CCDC185: variants seen among roughly 807,000 people sequenced by gnomAD.
The protein encoded by CCDC185 is coiled-coil domain-containing protein 185.
For missense variants in CCDC185, 982 were observed against 825.3 expected (o/e 1.19, Z -2.33); for synonymous variants, 381 against 348.1 (o/e 1.09, Z -1.05).
chr1:223,394,946 C>A lies in CCDC185; in HGVS notation c.1471C>A (p.Arg491Ser), dbSNP rs1021776397. ...AGAGCAGTTGCAGCAGGCCAGGTGG[C>A]GCGCAGGGGAGTCAGAGGAACAGAG... ...EEEQLQQARW[R>S]AGESEEQRKM... The change falls in exon 1 of 1, where the codon CGC (arginine) becomes AGC (serine). Residue 491 changes from arginine (R) to serine (S), a missense_variant. Arg to Ser is a moderately radical substitution (Grantham distance 110). Transcript: ENST00000366875. 1.9e-6 allele frequency: 3 copies of A among 1,614,088 alleles called. No individual in the cohort carries two copies. Among genetic ancestry groups the A allele is most frequent in the South Asian group, 2.2e-5 (2 of 91,078 alleles).
At position 223,393,856 on chromosome 1, in the gene CCDC185, G is replaced by C. The variant is rs1669606902; in HGVS notation, c.381G>C (p.Leu127=). Residue 127 remains leucine, a synonymous_variant, in exon 1 of 1, where the codon CTG becomes CTC. Transcript: ENST00000366875. This position sits in a 1 kb window ranked among gnomAD's most constrained non-coding sequence, Gnocchi z 4.8. ...CGGCTTGGCAGCCGCAGACCCAGCT[G>C]CCACCCCAGCGGCCGCAGCCCTGCC... ...PRPAWQPQTQ[L]PPQRPQPCPH... is the part of the protein sequence containing the mutation. 15 of 1,603,456 alleles carry C rather than the reference G, an allele frequency of 9.4e-6. No homozygotes were observed. Among genetic ancestry groups the C allele is most frequent in the Non-Finnish European group, 1.3e-5 (15 of 1,175,864 alleles).
In CCDC185 at chr1:223,394,354, G is replaced by A. The variant is rs1334513396; in HGVS notation, c.879G>A (p.Lys293=). ...AGGAGCTGAAGCGCTCGGATCAGAA[G>A]GTCCAGATGACCCTGGAGCGGGAGC... ...AWEELKRSDQ[K]VQMTLERERR... Residue 293 remains lysine (K), a synonymous_variant, in exon 1 of 1, where the codon AAG becomes AAA. Transcript: ENST00000366875. The A allele has an allele frequency of 1.9e-6, 3 of 1,589,502 alleles. No individual in the cohort carries two copies. Among genetic ancestry groups the A allele is most frequent in the East Asian group, 2.3e-5 (1 of 43,636 alleles).
Position 223,395,372 on chromosome 1 carries a change from T to G in CCDC185, c.*25T>G. ...AGAACCAAGGACGCCTGGCTTACAG[T>G]GCGCAGCCAGAAGGAGATGTGGCAA... On this transcript the variant is annotated 3_prime_UTR_variant, in exon 1 of 1. Coordinates refer to ENST00000366875, the MANE Select transcript of CCDC185 (RefSeq NM_152610.3). The G allele has an allele frequency of 6.7e-7, 1 of 1,491,964 alleles. No homozygotes were observed. Among genetic ancestry groups the G allele is most frequent in the Non-Finnish European group, 8.9e-7 (1 of 1,122,052 alleles). The allele number at this position is 1,491,964 out of a possible 1,614,324, so 92.4% of individuals were successfully genotyped here.
chr1:223,394,392 T>A lies in CCDC185; in HGVS notation c.917T>A (p.Leu306Gln), dbSNP rs1425512904. ...MTLERERRLL[L>Q]RQSQEQWQEK... The stretch of plus-strand genomic sequence containing the variant: ...CTGGAGCGGGAGCGCCGGCTGCTGC[T>A]GCGGCAGAGCCAGGAGCAGTGGCAG... The change falls in exon 1 of 1, where the codon CTG (leucine) becomes CAG (glutamine). Residue 306 changes from leucine (L) to glutamine (Q), a missense_variant. Leu to Gln is a moderately radical substitution (Grantham distance 113). Coordinates refer to ENST00000366875, the MANE Select transcript of CCDC185 (RefSeq NM_152610.3). The A allele has an allele frequency of 6.4e-7, 1 of 1,570,436 alleles. No individual in the cohort carries two copies. Among genetic ancestry groups the A allele is most frequent in the Non-Finnish European group, 8.6e-7 (1 of 1,158,214 alleles).
chr1:223,394,975 G>A lies in CCDC185; in HGVS notation c.1500G>A (p.Lys500=). The change falls in exon 1 of 1, where the codon AAG becomes AAA. Residue 500 remains lysine (K), a synonymous_variant. Transcript: ENST00000366875. ...WRAGESEEQR[K]MRKRILVELA... ...CAGGGGAGTCAGAGGAACAGAGGAA[G>A]ATGCGCAAAAGAATTCTGGTGGAGC... The A allele has an allele frequency of 1.5e-5, 24 of 1,614,150 alleles. No individual in the cohort carries two copies. The highest frequency in any genetic ancestry group is 1.9e-5 in the Non-Finnish European group (23 of 1,180,034).
rs746882847 is a variant in CCDC185, at chr1:223,393,685, T to A, written c.210T>A (p.Pro70=). ...LHPHCSFTPR[P]RRRGCSDSLR... is the part of the protein sequence containing the mutation. Reference sequence around the variant, plus strand: ...CGCACTGTTCGTTCACCCCGCGGCCTCGCAGGCGCGGGTGCTCAGATTCAC... The same window carrying A: ...CGCACTGTTCGTTCACCCCGCGGCCACGCAGGCGCGGGTGCTCAGATTCAC... The change falls in exon 1 of 1, where the codon CCT becomes CCA. Residue 70 remains proline, a synonymous_variant. Transcript: ENST00000366875. The surrounding 1 kb of genome is among the most constrained non-coding windows in gnomAD (Gnocchi z 4.8). 2 of 1,572,846 alleles carry A rather than the reference T, an allele frequency of 1.3e-6. No homozygotes were observed. Among genetic ancestry groups the A allele is most frequent in the Non-Finnish European group, 1.7e-6 (2 of 1,164,236 alleles).
At position 223,393,929 on chromosome 1, in the gene CCDC185, G is replaced by A. The variant is rs778881117; in HGVS notation, c.454G>A (p.Gly152Arg). 5.0e-6 allele frequency: 8 copies of A among 1,613,110 alleles called. No homozygotes were observed. The Admixed American group carries it at 1.3e-4, about 27-fold the overall frequency. Reference protein sequence around the residue: ...QGDSPPPCPGGAGTPLSGTFR... With the variant: ...QGDSPPPCPGRAGTPLSGTFR... ...AGACTCGCCCCCGCCTTGCCCCGGAGGAGCTGGCACTCCCCTGAGTGGCAC... is the reference window on the plus strand; with the variant it reads ...AGACTCGCCCCCGCCTTGCCCCGGAAGAGCTGGCACTCCCCTGAGTGGCAC... The change falls in exon 1 of 1, where the codon GGA becomes AGA. Residue 152 changes from glycine to arginine, a missense_variant. By Grantham distance (125) the Gly-to-Arg change is moderately radical. Transcript: ENST00000366875. This position sits in a 1 kb window ranked among gnomAD's most constrained non-coding sequence, Gnocchi z 4.8.
chr1:223,395,040 A>T lies in CCDC185; in HGVS notation c.1565A>T (p.His522Leu). The T allele has an allele frequency of 6.2e-7, 1 of 1,614,090 alleles. No homozygotes were observed. The highest frequency in any genetic ancestry group is 8.5e-7 in the Non-Finnish European group (1 of 1,180,002). ...ATCCGACAGGCCAGGAGTCACGTGC[A>T]CAAGACCACTAGGGACAAGGTGCAG... ...EKIRQARSHV[H>L]KTTRDKVQHL... The change falls in exon 1 of 1, where the codon CAC becomes CTC. Residue 522 changes from histidine (H) to leucine (L), a missense_variant. His to Leu is a moderately conservative substitution (Grantham distance 99, BLOSUM62 -3). Transcript: ENST00000366875.
At position 223,395,440 on chromosome 1, in the gene CCDC185, T is replaced by C; in HGVS notation, c.*93T>C. 7.9e-7 allele frequency: 1 copy of C among 1,264,072 alleles called. No homozygotes were observed. 78.3% of individuals were successfully genotyped at this position (1,264,072 alleles called of 1,614,324 possible). ...TCTGATTATAATTGAACATTGATTT[T>C]AAAAAAGCATGTAAAATAGCTGCAA... On this transcript the variant is annotated 3_prime_UTR_variant, in exon 1 of 1. Transcript: ENST00000366875.
chr1:223,394,304 C>T, the CCDC185 span: 28 of 1,611,914 alleles, frequency 1.7e-5, no homozygotes, highest in Non-Finnish European at 2.4e-5. Context: ...ACGGGAGCTG[C>T]AGCAGCAGGC....
At position 223,393,788 on chromosome 1, in the gene CCDC185, C is replaced by T. The variant is rs1356167432; in HGVS notation, c.313C>T (p.Arg105Cys). ...CAGGAAGCACCGGCCCCGCAGCAGG[C>T]GCCTGGAAGATGCCTGGGGAGAGAC... ...RSRKHRPRSRRLEDAWGETGT... is the reference protein window; with the variant it reads ...RSRKHRPRSRCLEDAWGETGT... Residue 105 changes from arginine to cysteine, a missense_variant, in exon 1 of 1, where the codon CGC (arginine) becomes TGC (cysteine). Transcript: ENST00000366875. The surrounding 1 kb of genome is among the most constrained non-coding windows in gnomAD (Gnocchi z 4.8). The T allele has an allele frequency of 3.2e-6, 5 of 1,573,170 alleles. No homozygotes were observed. Among genetic ancestry groups the T allele is most frequent in the Non-Finnish European group, 3.4e-6 (4 of 1,161,174 alleles).
Position 223,393,652 on chromosome 1 carries a change from G to T in CCDC185, c.177G>T (p.Trp59Cys), listed in dbSNP as rs752465336. 6.5e-7 allele frequency: 1 copy of T among 1,541,686 alleles called. No homozygotes were observed. The highest frequency in any genetic ancestry group is 8.7e-7 in the Non-Finnish European group (1 of 1,147,524). The change falls in exon 1 of 1, where the codon TGG becomes TGT. Residue 59 changes from tryptophan to cysteine, a missense_variant. Coordinates refer to ENST00000366875, the MANE Select transcript of CCDC185 (RefSeq NM_152610.3). This position sits in a 1 kb window ranked among gnomAD's most constrained non-coding sequence, Gnocchi z 4.8. ...CGGAGAGCGAAGCTGGGGCGTGCTG[G>T]CTGCACCCGCACTGTTCGTTCACCC... ...PGAESEAGACWLHPHCSFTPR... is the reference protein window; with the variant it reads ...PGAESEAGACCLHPHCSFTPR...
chr1:223,393,469 G>A lies in CCDC185; in HGVS notation c.-7G>A. The A allele has an allele frequency of 6.8e-7, 1 of 1,461,330 alleles. No homozygotes were observed. The highest frequency in any genetic ancestry group is 2.7e-5 in the East Asian group (1 of 37,284). The allele number at this position is 1,461,330 out of a possible 1,614,324, so 90.5% of individuals were successfully genotyped here. A position where few individuals can be genotyped will look rare whatever the true frequency, so the allele number is the denominator to read the frequency against. On this transcript the variant is annotated 5_prime_UTR_variant, in exon 1 of 1. Transcript: ENST00000366875. This position sits in a 1 kb window ranked among gnomAD's most constrained non-coding sequence, Gnocchi z 4.8. ...TGGGCAGACGCTGCGCGTGCCCAGA[G>A]GGAGGGATGGCAGGCTTCAGCCACT...
At position 223,394,907 on chromosome 1, in the gene CCDC185, G is replaced by T. The variant is rs144726511; in HGVS notation, c.1432G>T (p.Ala478Ser). 8 of 1,614,084 alleles carry T rather than the reference G, an allele frequency of 5.0e-6. No individual in the cohort carries two copies. The African/African-American group carries it at 1.1e-4, about 22-fold the overall frequency. Residue 478 changes from alanine to serine, a missense_variant, in exon 1 of 1, where the codon GCC (alanine) becomes TCC (serine). Coordinates refer to ENST00000366875, the MANE Select transcript of CCDC185 (RefSeq NM_152610.3). ...GCGGCAACGCGAGCTGAGGGAGAAG[G>T]CCCAGAAGGAGGAAGAGCAGTTGCA... ...KERQRELREKAQKEEEQLQQA... is the reference protein window; with the variant it reads ...KERQRELREKSQKEEEQLQQA...
At position 223,393,701 on chromosome 1, in the gene CCDC185, T is replaced by C. The variant is rs763628133; in HGVS notation, c.226T>C (p.Ser76Pro). The C allele has an allele frequency of 5.7e-6, 9 of 1,574,308 alleles. No homozygotes were observed. Among genetic ancestry groups the C allele is most frequent in the Non-Finnish European group, 7.7e-6 (9 of 1,163,896 alleles). The change falls in exon 1 of 1, where the codon TCA becomes CCA. Residue 76 changes from serine (S) to proline (P), a missense_variant. By Grantham distance (74) the Ser-to-Pro change is moderately conservative. Transcript: ENST00000366875. The surrounding 1 kb of genome is among the most constrained non-coding windows in gnomAD (Gnocchi z 4.8). ...CCCGCGGCCTCGCAGGCGCGGGTGC[T>C]CAGATTCACTGCGGGGCAGCCGAAG... ...FTPRPRRRGC[S>P]DSLRGSRSLS...
In CCDC185 at chr1:223,393,607, C is replaced by A; in HGVS notation, c.132C>A (p.Ser44=). ...CCGGAGCCGACTCCACCGCGTGCTC[C>A]CGGGCCGGGACTCCGGGTGCGGAGA... ...QRSGADSTAC[S]RAGTPGAESE... Residue 44 remains serine (S), a synonymous_variant, in exon 1 of 1, where the codon TCC becomes TCA. Transcript: ENST00000366875. The surrounding 1 kb of genome is among the most constrained non-coding windows in gnomAD (Gnocchi z 4.8). 6.6e-7 allele frequency: 1 copy of A among 1,526,098 alleles called. No homozygotes were observed. The highest frequency in any genetic ancestry group is 1.3e-5 in the South Asian group (1 of 78,752). The allele number at this position is 1,526,098 out of a possible 1,614,324, so 94.5% of individuals were successfully genotyped here. A position where few individuals can be genotyped will look rare whatever the true frequency, so the allele number is the denominator to read the frequency against.
rs1418866381 is a variant in CCDC185 at position 223,395,278 on chromosome 1, C to T, written c.1803C>T (p.Pro601=). 6.4e-7 allele frequency: 1 copy of T among 1,568,648 alleles called. No individual in the cohort carries two copies. Among genetic ancestry groups the T allele is most frequent in the Non-Finnish European group, 8.6e-7 (1 of 1,162,026 alleles). The change falls in exon 1 of 1, where the codon CCC becomes CCT. Residue 601 remains proline, a synonymous_variant. Coordinates refer to ENST00000366875, the MANE Select transcript of CCDC185 (RefSeq NM_152610.3). ...CCAGGAGAGAGGAGAGAGCGCCTCC[C>T]AACAGCTCCCTTGATCAGATGGTAC... The part of the protein sequence containing the change: ...QASRREERAP[P]NSSLDQMVLE...
rs1669605870 is a variant in CCDC185 at position 223,393,800 on chromosome 1, G to C, written c.325G>C (p.Ala109Pro). The change falls in exon 1 of 1, where the codon GCC (alanine) becomes CCC (proline). Residue 109 changes from alanine (A) to proline (P), a missense_variant. By Grantham distance (27) the Ala-to-Pro change is conservative (BLOSUM62 -1). Coordinates refer to ENST00000366875, the MANE Select transcript of CCDC185 (RefSeq NM_152610.3). This position sits in a 1 kb window ranked among gnomAD's most constrained non-coding sequence, Gnocchi z 4.8. ...GCCCCGCAGCAGGCGCCTGGAAGAT[G>C]CCTGGGGAGAGACAGGAACCAAGCC... ...HRPRSRRLED[A>P]WGETGTKPRP... is the part of the protein sequence containing the mutation. 1 of 1,581,616 alleles carries C rather than the reference G, an allele frequency of 6.3e-7. No individual in the cohort carries two copies. The highest frequency in any genetic ancestry group is 1.3e-5 in the African/African-American group (1 of 74,296).
rs1290952214 is a variant in CCDC185 at position 223,394,315 on chromosome 1, G to A, written c.840G>A (p.Ala280=). The part of the protein sequence containing the change: ...AQRIRELQQQ[A]AKAWEELKRS... ...GGATACGGGAGCTGCAGCAGCAGGC[G>A]GCTAAGGCCTGGGAGGAGCTGAAGC... The change falls in exon 1 of 1, where the codon GCG becomes GCA. Residue 280 remains alanine (A), a synonymous_variant. Transcript: ENST00000366875. 7 of 1,610,072 alleles carry A rather than the reference G, an allele frequency of 4.3e-6. No homozygotes were observed. The highest frequency in any genetic ancestry group is 1.1e-5 in the South Asian group (1 of 90,594).
Sources: gnomAD v4.1 joint callset for allele counts on GRCh38, gnomAD v4.1.1 for gene constraint, Gnocchi (gnomAD v3.1) non-coding constraint, MANE v1.5 for transcripts, NCBI Gene and HGNC (gene_info 2026-07-23, HGNC 2026-07-21) for gene names.